The following PKP4 variants were observed in gnomAD, a reference collection of about 807,000 sequenced individuals.
PKP4 encodes the protein plakophilin-4.
In PKP4, 90 loss-of-function variants were observed where a neutral mutation model predicts 145.1. That is an observed-to-expected ratio of 0.62 (90% CI 0.52 to 0.74). PKP4 has a LOEUF of 0.74. Ranked by LOEUF, PKP4 falls within the 30% of genes least tolerant of loss-of-function variation. The pLI, the probability that PKP4 is intolerant of heterozygous loss-of-function variation, is 0.00. For missense variants in PKP4, 1,340 were observed against 1,482.7 expected (o/e 0.90, Z 1.58); for synonymous variants, 563 against 577.2 (o/e 0.98, Z 0.35).
intron 1 of PKP4, among the ~76,000 whole-genome samples, chr2:158,464,443 AC>A (rs1449424654): frequency 6.6e-6 from 1 of 152,152 alleles, no homozygotes; most frequent in East Asian, 1.9e-4. Flanking sequence ...TTTCTCCTAG[AC>A]CCTGTTCTCT....
At chr2:158,601,207 A>G (rs1363855913) in intron 3 of PKP4, among the ~76,000 whole-genome samples, 1 of 152,228 alleles carries the variant, frequency 6.6e-6, no homozygotes, top group Non-Finnish European at 1.5e-5. Flanking sequence ...ATATTCTGTG[A>G]CCTACAGTTT....
chr2:158,631,942 G>C lies in PKP4; in HGVS notation c.1342+1G>C, dbSNP rs748136856. The C allele has an allele frequency of 1.9e-6, 3 of 1,613,158 alleles. No individual in the cohort carries two copies. The highest frequency in any genetic ancestry group is 2.5e-6 in the Non-Finnish European group (3 of 1,179,830). The stretch of plus-strand genomic sequence containing the variant: ...ACGGCGTTGTATCGCACAGGTTCAG[G>C]TGGGCATCAACTCTGTTTACTGGTT... On this transcript the variant is annotated splice_donor_variant, in intron 8 of 21. Coordinates refer to ENST00000389759, the MANE Select transcript of PKP4 (RefSeq NM_003628.6). LOFTEE classifies it high-confidence loss of function.
intron 11 of PKP4, among the ~76,000 whole-genome samples, chr2:158,656,497 T>TTAAG (rs1202124196): frequency 6.6e-6 from 1 of 152,152 alleles, no homozygotes; most frequent in African/African-American, 2.4e-5. Flanking sequence ...CAGAACTGTC[T>TTAAG]TAAGTCTCCC....
chr2:158,651,602 C>T (rs2528580), intron 11 of PKP4, among the ~76,000 whole-genome samples: 105,802 of 151,508 alleles, frequency 0.7, 38,893 homozygotes, highest in East Asian at 0.92. Context: ...AGCTCTGCAC[C>T]CCAAACCTGC....
intron 11 of PKP4, among the ~76,000 whole-genome samples, chr2:158,654,593 G>T (rs148906068): frequency 3.2e-4 from 49 of 152,232 alleles, no homozygotes; most frequent in Non-Finnish European, 5.4e-4. Context: ...ATGGCAACTG[G>T]ATTCTCCTAT....
At chr2:158,647,789 G>C (rs1377587962) in intron 11 of PKP4, among the ~76,000 whole-genome samples, 1 of 152,104 alleles carries the variant, frequency 6.6e-6, no homozygotes, top group Non-Finnish European at 1.5e-5. Context: ...TTTTGCTGTT[G>C]TTGTACTTAA....
chr2:158,574,952 T>A (rs569854619), intron 2 of PKP4, among the ~76,000 whole-genome samples: 22 of 152,246 alleles, frequency 1.4e-4, no homozygotes, highest in Non-Finnish European at 2.6e-4. Context: ...AAATTGTTTC[T>A]GTGGGTACGT....
intron 1 of PKP4, among the ~76,000 whole-genome samples, chr2:158,503,049 A>G (rs1397173169): frequency 6.6e-6 from 1 of 152,224 alleles, no homozygotes; most frequent in African/African-American, 2.4e-5. Context: ...GCATAATTCC[A>G]GCTAGGAACC....
chr2:158,576,889 A>G (rs527514478), intron 2 of PKP4, among the ~76,000 whole-genome samples: 26 of 152,310 alleles, frequency 1.7e-4, no homozygotes, highest in African/African-American at 6.3e-4. Context: ...GACATATAGT[A>G]TAAGAAATAT....
At chr2:158,506,884 G>T (rs1480415237) in intron 1 of PKP4, among the ~76,000 whole-genome samples, 2 of 152,184 alleles carry the variant, frequency 1.3e-5, no homozygotes, top group South Asian at 2.1e-4. Context: ...TTTTAGGATG[G>T]ATGGGTCTAA....
At chr2:158,633,235 T>C (rs2053535897) in intron 8 of PKP4, among the ~76,000 whole-genome samples, 1 of 152,238 alleles carries the variant, frequency 6.6e-6, no homozygotes, top group Non-Finnish European at 1.5e-5. Flanking sequence ...CTATGTGTTT[T>C]CCTATACATT....
At chr2:158,677,337 T>C (rs1479256340) in intron 20 of PKP4, 1 of 232,058 alleles carries the variant, frequency 4.3e-6, no homozygotes, top group Non-Finnish European at 8.7e-6. Context: ...TTTGAATAAA[T>C]AGCAAAAGGT....
intron 12 of PKP4, chr2:158,659,305 C>T (rs898191560): frequency 6.6e-6 from 1 of 152,264 alleles, no homozygotes; most frequent in Non-Finnish European, 1.5e-5. Context: ...GGGTGGGTCT[C>T]ATGGCCTAGC....
chr2:158,525,906 C>CA (rs1489191198), intron 1 of PKP4, among the ~76,000 whole-genome samples: 2 of 151,100 alleles, frequency 1.3e-5, no homozygotes, highest in Non-Finnish European at 2.9e-5. Flanking sequence ...AATTCCTCGA[C>CA]ACGTACACTC....
At chr2:158,673,612 C>T in intron 17 of PKP4, 65 bp from the exon 18 acceptor site, 2 of 1,175,770 alleles carry the variant, frequency 1.7e-6, no homozygotes, top group Non-Finnish European at 2.6e-6. Flanking sequence ...TTTCATCCTG[C>T]ACCCCTCTGA....
intron 2 of PKP4, among the ~76,000 whole-genome samples, chr2:158,569,788 T>G (rs2190390): frequency 0.53 from 80,528 of 151,842 alleles, 21,860 homozygotes; most frequent in East Asian, 0.79. Flanking sequence ...ACAAAGGTAA[T>G]CTGACTTCCT....
intron 2 of PKP4, among the ~76,000 whole-genome samples, chr2:158,534,685 G>A (rs553548255): frequency 1.2e-3 from 182 of 152,278 alleles, no homozygotes; most frequent in African/African-American, 4.1e-3. Context: ...TTAACTGCGT[G>A]CAGTAAACAT....
chr2:158,573,606 A>T (rs777010264), intron 2 of PKP4, among the ~76,000 whole-genome samples: 1 of 151,878 alleles, frequency 6.6e-6, no homozygotes, highest in Non-Finnish European at 1.5e-5. Context: ...GAAGTGTCTC[A>T]CAATATATTT....
chr2:158,581,636 G>T (rs1472300612), intron 3 of PKP4, among the ~76,000 whole-genome samples: 1 of 152,186 alleles, frequency 6.6e-6, no homozygotes, highest in Non-Finnish European at 1.5e-5. Flanking sequence ...GGCTCTAATA[G>T]TGAGTAGTTC....
Sources: gnomAD v4.1 joint callset for allele counts (sites outside exome capture counted in the v4.1 genomes callset) on GRCh38, gnomAD v4.1.1 for gene constraint, MANE v1.5 for transcripts, NCBI Gene and HGNC (gene_info 2026-07-23, HGNC 2026-07-21) for gene names.